The following PTPRZ1 variants were observed in gnomAD, a reference collection of about 807,000 sequenced individuals.
The protein encoded by PTPRZ1 is receptor-type tyrosine-protein phosphatase zeta.
PTPRZ1 carries 82 observed loss-of-function variants against 214.1 expected under a neutral mutation model. That is an observed-to-expected ratio of 0.38 (90% CI 0.32 to 0.46). The LOEUF (loss-of-function observed/expected upper bound fraction) is 0.46, where lower values mean the gene tolerates loss of function less well. Ranked by LOEUF, PTPRZ1 falls within the 20% of genes least tolerant of loss-of-function variation. The pLI is 1.00. For missense variants in PTPRZ1, 2,603 were observed against 2,748.7 expected, an observed-to-expected ratio of 0.95 and a Z score of 1.19; for synonymous variants, 945 against 987.9, an observed-to-expected ratio of 0.96 and a Z score of 0.81.
intron 1 of PTPRZ1, among the ~76,000 whole-genome samples, chr7:121,925,536 T>G (rs1795730251): frequency 6.6e-6 from 1 of 152,176 alleles, no homozygotes. Context: ...GCACCAAAGT[T>G]AAACAGGAAG....
intron 27 of PTPRZ1, among the ~76,000 whole-genome samples, chr7:122,055,760 C>A (rs1221856321): frequency 6.6e-6 from 1 of 151,790 alleles, no homozygotes; most frequent in Non-Finnish European, 1.5e-5. Flanking sequence ...CTAAAAGATA[C>A]TAACAATGAT....
At chr7:122,014,297 T>C (rs993190631) in intron 12 of PTPRZ1, among the ~76,000 whole-genome samples, 1 of 152,076 alleles carries the variant, frequency 6.6e-6, no homozygotes, top group Non-Finnish European at 1.5e-5. Context: ...AAACTAATTC[T>C]ATTTAATTAT....
At chr7:121,979,892 A>G (rs1797551779) in intron 6 of PTPRZ1, among the ~76,000 whole-genome samples, 2 of 152,228 alleles carry the variant, frequency 1.3e-5, no homozygotes, top group South Asian at 4.1e-4. Flanking sequence ...AAGAAAATGT[A>G]ACTGAAAAGC....
chr7:122,057,000 C>T (rs1792371471), intron 27 of PTPRZ1, among the ~76,000 whole-genome samples: 2 of 151,932 alleles, frequency 1.3e-5, no homozygotes, highest in Admixed American at 1.3e-4. Context: ...CCAGATAATA[C>T]ATATCCTTTT....
chr7:121,949,532 A>G (rs1047425896), intron 2 of PTPRZ1, among the ~76,000 whole-genome samples: 11 of 152,222 alleles, frequency 7.2e-5, no homozygotes, highest in African/African-American at 2.2e-4. Context: ...CTTTAAAAAG[A>G]TTATGGACAA....
intron 2 of PTPRZ1, among the ~76,000 whole-genome samples, chr7:121,949,137 G>A (rs1796475278): frequency 6.6e-6 from 1 of 152,130 alleles, no homozygotes; most frequent in African/African-American, 2.4e-5. Flanking sequence ...CGAAGCAAAG[G>A]TGGGAAGACT....
At chr7:121,953,310 A>G (rs565934504) in intron 2 of PTPRZ1, among the ~76,000 whole-genome samples, 1 of 152,340 alleles carries the variant, frequency 6.6e-6, no homozygotes, top group East Asian at 1.9e-4. Flanking sequence ...ATTTTCCTCA[A>G]ATGATATCTG....
chr7:121,908,754 T>G (rs1795186956), intron 1 of PTPRZ1: 1 of 493,998 alleles, frequency 2.0e-6, no homozygotes, highest in African/African-American at 2.0e-5. Flanking sequence ...TAGAATAACA[T>G]TACTAATGAC....
intron 1 of PTPRZ1, among the ~76,000 whole-genome samples, chr7:121,903,973 C>CAG (rs761790981): frequency 1.4e-3 from 209 of 150,906 alleles, no homozygotes; most frequent in Non-Finnish European, 2.2e-3. Context: ...ATCTCACACA[C>CAG]ACACACACAC....
intron 12 of PTPRZ1, among the ~76,000 whole-genome samples, chr7:122,016,864 A>G (rs1268780208): frequency 2.0e-5 from 3 of 152,070 alleles, no homozygotes; most frequent in Admixed American, 1.3e-4. Flanking sequence ...ATTAATCTAC[A>G]TCACTGGTTC....
rs148966381 is a variant in PTPRZ1, at chr7:121,897,691, C to T, written c.58+24134C>T. Among the ~76,000 whole-genome samples, 12 of 152,314 alleles carry T rather than the reference C, an allele frequency of 7.9e-5. No individual in the cohort carries two copies. In the East Asian group the frequency reaches 1.9e-3, roughly 25 times the overall value. ...TGACCCGTGGTCTTCCTGCCAATCT[C>T]ACAGCATTACTCTACCCAAAACTAT... On this transcript the variant is annotated intron_variant, in intron 1 of 29. Transcript: ENST00000393386.
At chr7:122,028,400 T>C in intron 13 of PTPRZ1, 152 bp from the exon 14 acceptor site, 1 of 520,790 alleles carries the variant, frequency 1.9e-6, no homozygotes, top group East Asian at 3.2e-5. Flanking sequence ...TGTGACTTGT[T>C]AAAATGGATG....
At chr7:121,955,485 A>G (rs1418163564) in intron 2 of PTPRZ1, among the ~76,000 whole-genome samples, 1 of 151,960 alleles carries the variant, frequency 6.6e-6, no homozygotes, top group African/African-American at 2.4e-5. Flanking sequence ...TTGCCGTCTC[A>G]TTGGTAATAA....
At chr7:122,031,335 G>T in intron 14 of PTPRZ1, 139 bp from the exon 15 acceptor site, 1 of 636,608 alleles carries the variant, frequency 1.6e-6, no homozygotes, top group Non-Finnish European at 2.8e-6. Flanking sequence ...ATTGGTAATT[G>T]TTGCTTAACA....
intron 1 of PTPRZ1, among the ~76,000 whole-genome samples, chr7:121,907,434 A>G (rs528303283): frequency 3.9e-5 from 6 of 152,032 alleles, no homozygotes; most frequent in African/African-American, 1.4e-4. Flanking sequence ...CATAAGACAC[A>G]TTTTTTTAGG....
intron 1 of PTPRZ1, among the ~76,000 whole-genome samples, chr7:121,925,122 T>A (rs1047588119): frequency 1.3e-5 from 2 of 152,214 alleles, no homozygotes; most frequent in African/African-American, 2.4e-5. Context: ...CCATTTTTTA[T>A]CACTTGCTGC....
chr7:122,011,076 A>C lies in PTPRZ1; in HGVS notation c.2030A>C (p.Asn677Thr), dbSNP rs1404411603. ...GSGRESFLQTNYTEIRVDESE... is the reference protein window; with the variant it reads ...GSGRESFLQTTYTEIRVDESE... ...GGCAGAGAGAGCTTTCTCCAGACTA[A>C]TTACACTGAGATACGTGTTGATGAA... The change falls in exon 12 of 30, where the codon AAT becomes ACT. Residue 677 changes from asparagine (N) to threonine (T), a missense_variant. This residue lies in a region of PTPRZ1 where 1,913 missense variants were observed against 1,914.3 expected (regional missense o/e 1.00). Transcript: ENST00000393386. The C allele has an allele frequency of 6.2e-7, 1 of 1,614,126 alleles. No individual in the cohort carries two copies. The highest frequency in any genetic ancestry group is 8.5e-7 in the Non-Finnish European group (1 of 1,180,006).
chr7:121,912,598 AT>A (rs992723851), intron 1 of PTPRZ1, among the ~76,000 whole-genome samples: 29 of 152,158 alleles, frequency 1.9e-4, no homozygotes, highest in African/African-American at 6.8e-4. Flanking sequence ...GGGAAGGGGA[AT>A]TTTTAGGGTA....
chr7:121,873,328 T>TCACACA lies in PTPRZ1; in HGVS notation c.-155_-150dup, dbSNP rs35113798. 1.3e-4 allele frequency: 68 copies of TCACACA among 533,182 alleles called. No homozygotes were observed. In the Middle Eastern group the frequency reaches 2.0e-3, roughly 16 times the overall value. 33.0% of individuals were successfully genotyped at this position (533,182 alleles called of 1,614,324 possible). A position where few individuals can be genotyped will look rare whatever the true frequency, so the allele number is the denominator to read the frequency against. ...GTCTCTGTCTCTGTCTCTCTCTCTC[T>TCACACA]CACACACACACACACACACACAAAC... On this transcript the variant is annotated 5_prime_UTR_variant, in exon 1 of 30. Transcript: ENST00000393386.
Sources: gnomAD v4.1 joint callset for allele counts (sites outside exome capture counted in the v4.1 genomes callset) on GRCh38, gnomAD v4.1.1 for gene constraint, gnomAD v4.1.1 regional missense constraint, MANE v1.5 for transcripts, NCBI Gene and HGNC (gene_info 2026-07-23, HGNC 2026-07-21) for gene names.